The following DAB1 variants were observed in gnomAD, a reference collection of about 807,000 sequenced individuals.
The protein encoded by DAB1 is DAB adaptor protein 1.
A neutral mutation model predicts 64.6 loss-of-function variants in DAB1; 15 were observed. The ratio of observed to expected loss-of-function variants is 0.23; its 90% confidence interval spans 0.16 to 0.36. The LOEUF (loss-of-function observed/expected upper bound fraction) is 0.36, where lower values mean the gene tolerates loss of function less well. DAB1 is among the 10% of genes least tolerant of loss of function. The pLI is 1.00. For missense variants in DAB1, 596 were observed against 706.7 expected (o/e 0.84, Z 1.78); for synonymous variants, 235 against 251.9 (o/e 0.93, Z 0.64).
intron 1 of DAB1, among the ~76,000 whole-genome samples, chr1:58,529,674 A>G (rs61781816): frequency 0.076 from 11,506 of 152,256 alleles, 469 homozygotes; most frequent in Middle Eastern, 0.16. Flanking sequence ...TTGGCTCTCT[A>G]TATCTGTGGA....
intron 11 of DAB1, among the ~76,000 whole-genome samples, chr1:57,019,818 C>T (rs2100355912): frequency 6.6e-6 from 1 of 152,312 alleles, no homozygotes; most frequent in South Asian, 2.1e-4. Context: ...AAGGGAACAC[C>T]TGCCTTGCTG....
chr1:58,496,360 T>C (rs1322591953), intron 3 of DAB1, among the ~76,000 whole-genome samples: 5 of 152,196 alleles, frequency 3.3e-5, no homozygotes, highest in African/African-American at 4.8e-5. Flanking sequence ...TGTAAAGTCG[T>C]TCTTTCAGAT....
At chr1:58,531,628 C>T (rs1503648) in intron 1 of DAB1, among the ~76,000 whole-genome samples, 17,661 of 152,112 alleles carry the variant, frequency 0.12, 1,215 homozygotes, top group African/African-American at 0.18. Flanking sequence ...ATTGTACCCT[C>T]ACAAAACATA....
chr1:57,943,314 G>A (rs535568739), intron 5 of DAB1, among the ~76,000 whole-genome samples: 4 of 152,262 alleles, frequency 2.6e-5, no homozygotes, highest in South Asian at 2.1e-4. Context: ...ACTCAATTAC[G>A]TGGTTTAAAA....
intron 5 of DAB1, among the ~76,000 whole-genome samples, chr1:58,090,216 G>GAA (rs80340162): frequency 3.4e-4 from 52 of 152,028 alleles, no homozygotes; most frequent in South Asian, 3.1e-3. Flanking sequence ...GTAGGGTCAG[G>GAA]AAAAAATCCA....
intron 3 of DAB1, among the ~76,000 whole-genome samples, chr1:58,395,864 C>T (rs338927): frequency 2.6e-5 from 4 of 152,162 alleles, no homozygotes; most frequent in African/African-American, 9.6e-5. Context: ...GGGTCTAAGT[C>T]GGGGAGGTGC....
chr1:58,410,346 C>T (rs1034349183), intron 3 of DAB1, among the ~76,000 whole-genome samples: 5 of 152,232 alleles, frequency 3.3e-5, no homozygotes, highest in African/African-American at 7.2e-5. Flanking sequence ...ACAGAATTTA[C>T]GATTCTAGGG....
intron 2 of DAB1, among the ~76,000 whole-genome samples, chr1:57,200,907 C>A (rs544030014): frequency 6.6e-6 from 1 of 152,192 alleles, no homozygotes; most frequent in East Asian, 1.9e-4. Flanking sequence ...TTCTTAGCAT[C>A]TCAATTCATT....
chr1:57,137,203 G>A (rs901992376), intron 3 of DAB1, among the ~76,000 whole-genome samples: 1 of 152,122 alleles, frequency 6.6e-6, no homozygotes, highest in South Asian at 2.1e-4. Context: ...GATATTTTGT[G>A]TTTACCACTA....
At chr1:57,085,016 G>A (rs75423512) in intron 4 of DAB1, among the ~76,000 whole-genome samples, 5 of 152,160 alleles carry the variant, frequency 3.3e-5, no homozygotes, top group African/African-American at 4.8e-5. Context: ...TTGTGAAAAT[G>A]CACCAAACAC....
intron 1 of DAB1, among the ~76,000 whole-genome samples, chr1:57,376,214 T>C (rs1285054829): frequency 6.6e-6 from 1 of 152,252 alleles, no homozygotes; most frequent in African/African-American, 2.4e-5. Context: ...TTTTGAGACA[T>C]GCAGCCTCTA....
At chr1:58,284,233 T>C (rs543344583) in intron 4 of DAB1, among the ~76,000 whole-genome samples, 1 of 152,252 alleles carries the variant, frequency 6.6e-6, no homozygotes, top group Non-Finnish European at 1.5e-5. Context: ...GTTTTGTTTC[T>C]CTTTCTTAGC....
At chr1:57,194,471 GA>G (rs1664452911) in intron 2 of DAB1, among the ~76,000 whole-genome samples, 1 of 152,184 alleles carries the variant, frequency 6.6e-6, no homozygotes, top group Non-Finnish European at 1.5e-5. Context: ...TAAAATAAAA[GA>G]GTTTGATGAT....
chr1:57,152,976 A>G (rs1304840830), intron 2 of DAB1, among the ~76,000 whole-genome samples: 1 of 152,138 alleles, frequency 6.6e-6, no homozygotes, highest in Non-Finnish European at 1.5e-5. Context: ...TAAGATAGAT[A>G]TATTTCTGTA....
intron 5 of DAB1, among the ~76,000 whole-genome samples, chr1:57,923,159 G>T (rs1644834183): frequency 6.6e-6 from 1 of 152,028 alleles, no homozygotes; most frequent in Non-Finnish European, 1.5e-5. Context: ...GATGGAACAG[G>T]AAAGGAGGTC....
At chr1:58,075,912 T>G (rs1649607762) in intron 5 of DAB1, among the ~76,000 whole-genome samples, 1 of 151,548 alleles carries the variant, frequency 6.6e-6, no homozygotes, top group Admixed American at 6.6e-5. Context: ...CTATTGAGAA[T>G]ATCTGTTACA....
chr1:58,169,661 A>G (rs1240156956), intron 4 of DAB1, among the ~76,000 whole-genome samples: 3 of 152,134 alleles, frequency 2.0e-5, no homozygotes, highest in African/African-American at 7.2e-5. Flanking sequence ...CAACTATGCA[A>G]AGCTTGCAAT....
chr1:57,840,619 A>G lies in DAB1; in HGVS notation n.88-14164T>C, dbSNP rs566984747. ...GGAAGGCCTCAGAAAACTTATAATC[A>G]TGGTGGAAGGCAGAGGGGAAGCAAG... On this transcript the variant is annotated intron_variant and non_coding_transcript_variant, in intron 1 of 1. Coordinates refer to the DAB1 transcript ENST00000477280. 3.3e-5 allele frequency among the ~76,000 whole-genome samples: 5 copies of G among 152,288 alleles called. No homozygotes were observed. In the East Asian group the frequency reaches 5.8e-4, roughly 18 times the overall value.
At position 57,481,337 on chromosome 1, in the gene DAB1, C is replaced by T. The variant is rs534024793; in HGVS notation, n.625+168255G>A. Among the ~76,000 whole-genome samples, 3 of 152,258 alleles carry T rather than the reference C, an allele frequency of 2.0e-5. No individual in the cohort carries two copies. The South Asian group carries it at 6.2e-4, about 32-fold the overall frequency. ...AGGCCTCTCTCTCTGTCTCTCCCTG[C>T]CACCCTCGCCCCCAACACCTCTCTC... On this transcript the variant is annotated intron_variant and non_coding_transcript_variant, in intron 7 of 20. Transcript: ENST00000485760.
Sources: gnomAD v4.1 joint callset for allele counts (sites outside exome capture counted in the v4.1 genomes callset) on GRCh38, gnomAD v4.1.1 for gene constraint, MANE v1.5 for transcripts, NCBI Gene and HGNC (gene_info 2026-07-23, HGNC 2026-07-21) for gene names.